The following KCNT1 variants were observed in gnomAD, a reference collection of about 807,000 sequenced individuals.
KCNT1 encodes the protein potassium sodium-activated channel subfamily T member 1.
A neutral mutation model predicts 147.8 loss-of-function variants in KCNT1; 78 were observed. The ratio of observed to expected loss-of-function variants is 0.53; its 90% CI spans 0.44 to 0.64. KCNT1 has a LOEUF of 0.64. Among genes scored for constraint, KCNT1 ranks in the 30% least tolerant of loss-of-function variants. The probability of loss-of-function intolerance (pLI) is 0.00; values close to 1 mark genes in which losing one functional copy is unlikely to be tolerated. For missense variants in KCNT1, 1,419 were observed against 1,750.3 expected, an observed-to-expected ratio of 0.81 and a Z score of 3.38; for synonymous variants, 867 against 748.8, an observed-to-expected ratio of 1.16 and a Z score of -2.58.
At chr9:135,720,605 T>C (rs1835887284) in intron 2 of KCNT1, among the ~76,000 whole-genome samples, 1 of 151,054 alleles carries the variant, frequency 6.6e-6, no homozygotes. Flanking sequence ...GCAGCCTTCC[T>C]CCAGAGGGAG....
intron 24 of KCNT1, among the ~76,000 whole-genome samples, chr9:135,779,870 C>T (rs1382484070): frequency 1.3e-5 from 2 of 152,272 alleles, no homozygotes; most frequent in East Asian, 1.9e-4. Flanking sequence ...AGATAACGCA[C>T]ACGGCTGCAC....
intron 19 of KCNT1, among the ~76,000 whole-genome samples, chr9:135,774,443 T>G (rs1237810388): frequency 6.8e-6 from 1 of 146,362 alleles, no homozygotes. Context: ...GGTGTGTCTG[T>G]GGTGTGTCTG....
intron 2 of KCNT1, among the ~76,000 whole-genome samples, chr9:135,717,624 G>A (rs1451749850): frequency 6.6e-6 from 1 of 152,154 alleles, no homozygotes; most frequent in Non-Finnish European, 1.5e-5. Flanking sequence ...CTCGCCAGCC[G>A]CTGCCCGGCA....
At chr9:135,720,222 GC>G (rs907347258) in intron 2 of KCNT1, among the ~76,000 whole-genome samples, 10 of 151,964 alleles carry the variant, frequency 6.6e-5, no homozygotes, top group African/African-American at 2.4e-4. Flanking sequence ...GAATCCAGCT[GC>G]CCCGCAGGGA....
intron 1 of KCNT1, among the ~76,000 whole-genome samples, chr9:135,710,141 G>C (rs1226411475): frequency 1.3e-5 from 2 of 152,206 alleles, no homozygotes; most frequent in East Asian, 3.8e-4. Flanking sequence ...TTCAGATGTA[G>C]AAGCTTTTAT....
intron 1 of KCNT1, among the ~76,000 whole-genome samples, chr9:135,710,929 G>A (rs921718162): frequency 1.3e-5 from 2 of 152,220 alleles, no homozygotes; most frequent in Admixed American, 6.5e-5. Flanking sequence ...AACGCTGTGC[G>A]CCCCTGTGGG....
At chr9:135,704,194 C>T (rs1347628109) in intron 1 of KCNT1, among the ~76,000 whole-genome samples, 1 of 152,228 alleles carries the variant, frequency 6.6e-6, no homozygotes, top group Non-Finnish European at 1.5e-5. Context: ...ACAGCGTGGT[C>T]AGAACCCAGG....
rs553423211 is a variant in KCNT1 at position 135,766,809 on chromosome 9, G to C, written c.1337+1049G>C. 5 of 152,350 alleles carry C rather than the reference G, an allele frequency of 3.3e-5. No homozygotes were observed. In the East Asian group the frequency reaches 9.6e-4, roughly 29 times the overall value. 9.4% of individuals were successfully genotyped at this position (152,350 alleles called of 1,614,324 possible). On this transcript the variant is annotated intron_variant, in intron 13 of 30. Transcript: ENST00000371757. ...GCTAAGTCTCTGTCTCCCTTTTCAG[G>C]GTGAGGGGCAGCCTTTTGCGAGCTC... is the stretch of plus-strand genomic sequence containing the variant.
At chr9:135,742,578 C>T (rs1308853655) in intron 2 of KCNT1, among the ~76,000 whole-genome samples, 1 of 150,748 alleles carries the variant, frequency 6.6e-6, no homozygotes, top group African/African-American at 2.4e-5. Context: ...AGGCACCTCT[C>T]CCGTGCCCGG....
At position 135,768,627 on chromosome 9, in the gene KCNT1, C is replaced by G; in HGVS notation, c.1355C>G (p.Ala452Gly). The G allele has an allele frequency of 1.3e-6, 2 of 1,550,502 alleles. No individual in the cohort carries two copies. Among genetic ancestry groups the G allele is most frequent in the African/African-American group, 1.4e-5 (1 of 73,118 alleles). ...LMRAKMDNGEACFILSSRNEV... is the reference protein window; with the variant it reads ...LMRAKMDNGEGCFILSSRNEV... ...CATTGCAGGATGGACAATGGGGAGG[C>G]CTGCTTCATCCTCAGCAGCAGGAAC... The change falls in exon 14 of 31, where the codon GCC becomes GGC. Residue 452 changes from alanine (A) to glycine (G), a missense_variant. Physicochemically the swap from Ala to Gly is moderately conservative, Grantham distance 60. Around this residue, in one of 5 missense-constraint regions of KCNT1, gnomAD observed 401 missense variants for 610.6 expected, o/e 0.66. Transcript: ENST00000371757.
intron 2 of KCNT1, among the ~76,000 whole-genome samples, chr9:135,731,960 G>GTAGATATATATATATA (rs1836456219): frequency 2.4e-5 from 1 of 41,414 alleles, no homozygotes; most frequent in African/African-American, 8.9e-5. Flanking sequence ...AAATATGCGT[G>GTAGATATATATATATA]TATATATATA....
chr9:135,715,506 T>G (rs1835686584), intron 2 of KCNT1, among the ~76,000 whole-genome samples: 1 of 144,442 alleles, frequency 6.9e-6, no homozygotes, highest in Non-Finnish European at 1.5e-5. Context: ...CCGCTCCTCT[T>G]CCAGCGTGTA....
intron 18 of KCNT1, among the ~76,000 whole-genome samples, chr9:135,772,388 C>T (rs926761721): frequency 2.0e-5 from 3 of 152,138 alleles, no homozygotes; most frequent in African/African-American, 4.8e-5. Flanking sequence ...GCTGCACAGG[C>T]CCCTAAGGCT....
At chr9:135,776,719 C>A (rs960953271) in intron 20 of KCNT1, among the ~76,000 whole-genome samples, 2 of 152,232 alleles carry the variant, frequency 1.3e-5, no homozygotes, top group African/African-American at 4.8e-5. Flanking sequence ...CCGGTCATTG[C>A]AGTAGCATCA....
At chr9:135,702,700 C>T (rs1295683147) in intron 1 of KCNT1, among the ~76,000 whole-genome samples, 1 of 152,038 alleles carries the variant, frequency 6.6e-6, no homozygotes, top group Non-Finnish European at 1.5e-5. Context: ...GGTGCAGGGC[C>T]TTCCATCTCC....
In KCNT1 at chr9:135,727,570, G is replaced by A. The variant is rs146683805; in HGVS notation, c.254+12850G>A. Among the ~76,000 whole-genome samples the A allele has an allele frequency of 1.5e-4, 23 of 152,222 alleles. No homozygotes were observed. In the East Asian group the frequency reaches 2.7e-3, roughly 18 times the overall value. ...GGGAACGGGGAGGGGGAGCCCAGCC[G>A]TGTGTCACCTTTGGGAGAGGAGGAC... On this transcript the variant is annotated intron_variant, in intron 2 of 30. Coordinates refer to ENST00000371757, the MANE Select transcript of KCNT1 (RefSeq NM_020822.3).
At position 135,772,935 on chromosome 9, in the gene KCNT1, G is replaced by T. The variant is rs1289338720; in HGVS notation, c.2229G>T (p.Gly743=). ...AGGTGACGCCGTCGGACGACGAGGG[G>T]CTCTCCGTGGTAGAGTGAGTGCTGC... is the stretch of plus-strand genomic sequence containing the variant. ...EDEVTPSDDE[G]LSVVEYVKGY... Residue 743 remains glycine (G), a synonymous_variant, in exon 19 of 31, where the codon GGG becomes GGT. Transcript: ENST00000371757. 1.3e-6 allele frequency: 2 copies of T among 1,508,270 alleles called. No homozygotes were observed. Among genetic ancestry groups the T allele is most frequent in the Admixed American group, 2.2e-5 (1 of 45,488 alleles). The allele number at this position is 1,508,270 out of a possible 1,614,324, so 93.4% of individuals were successfully genotyped here. A position where few individuals can be genotyped will look rare whatever the true frequency, so the allele number is the denominator to read the frequency against.
intron 15 of KCNT1, 35 bp from the exon 16 acceptor site, chr9:135,769,912 G>A: frequency 6.9e-7 from 1 of 1,459,848 alleles, no homozygotes; most frequent in Non-Finnish European, 9.4e-7. Flanking sequence ...AGCCGGCAGA[G>A]CGGCAGGTGG....
intron 10 of KCNT1, among the ~76,000 whole-genome samples, chr9:135,758,940 C>T (rs1831708768): frequency 6.6e-6 from 1 of 152,220 alleles, no homozygotes; most frequent in Admixed American, 6.5e-5. Flanking sequence ...CCTGTGTCCT[C>T]GTGGAGGGCT....
Sources: gnomAD v4.1 joint callset for allele counts (sites outside exome capture counted in the v4.1 genomes callset) on GRCh38, gnomAD v4.1.1 for gene constraint, gnomAD v4.1.1 regional missense constraint, MANE v1.5 for transcripts, NCBI Gene and HGNC (gene_info 2026-07-23, HGNC 2026-07-21) for gene names.